Variants in BAZ1B observed in about 807,000 individuals in gnomAD.
BAZ1B encodes the protein bromodomain adjacent to zinc finger domain 1B.
BAZ1B carries 22 observed loss-of-function variants against 153.8 expected under a neutral mutation model. That is an observed-to-expected ratio of 0.14 (90% CI 0.10 to 0.20). The LOEUF is 0.20. Among genes scored for constraint, BAZ1B ranks in the 10% least tolerant of loss-of-function variants. The pLI, the probability that BAZ1B is intolerant of heterozygous loss-of-function variation, is 1.00. For synonymous variants in BAZ1B, 676 were observed against 633.4 expected, an observed-to-expected ratio of 1.07 and a Z score of -1.01; for missense variants, 1,325 against 1,799.3, an observed-to-expected ratio of 0.74 and a Z score of 4.77.
At chr7:73,459,951 T>C (rs1788335644) in intron 12 of BAZ1B, among the ~76,000 whole-genome samples, 1 of 152,138 alleles carries the variant, frequency 6.6e-6, no homozygotes, top group Non-Finnish European at 1.5e-5. Context: ...TCCCAGCATT[T>C]TGGGGGGCCA....
intron 1 of BAZ1B, among the ~76,000 whole-genome samples, chr7:73,517,617 T>G (rs781889167): frequency 3.9e-5 from 6 of 152,192 alleles, no homozygotes; most frequent in African/African-American, 7.2e-5. Flanking sequence ...AGATTTTAGG[T>G]TACCAAAATA....
At chr7:73,454,440 C>T (rs1788123190) in intron 13 of BAZ1B, among the ~76,000 whole-genome samples, 1 of 152,206 alleles carries the variant, frequency 6.6e-6, no homozygotes, top group African/African-American at 2.4e-5. Context: ...TCTTTCTCCA[C>T]CCTGCTTACC....
intron 13 of BAZ1B, among the ~76,000 whole-genome samples, chr7:73,453,944 C>A (rs1273594009): frequency 2.0e-5 from 3 of 152,256 alleles, no homozygotes; most frequent in Admixed American, 2.0e-4. Flanking sequence ...CACCACTGCA[C>A]CCACCAGCCT....
intron 3 of BAZ1B, among the ~76,000 whole-genome samples, chr7:73,500,892 A>T (rs1212175247): frequency 4.8e-5 from 7 of 145,798 alleles, no homozygotes; most frequent in East Asian, 2.4e-4. Flanking sequence ...TCTGTTTATA[A>T]AAAAAAAAAA....
At chr7:73,449,017 C>T (rs575454483) in intron 15 of BAZ1B, among the ~76,000 whole-genome samples, 6 of 152,172 alleles carry the variant, frequency 3.9e-5, no homozygotes, top group African/African-American at 9.6e-5. Flanking sequence ...CAAATGATAG[C>T]GGAGACCACG....
At chr7:73,457,742 G>A (rs564097017) in intron 13 of BAZ1B, among the ~76,000 whole-genome samples, 1 of 152,194 alleles carries the variant, frequency 6.6e-6, no homozygotes, top group East Asian at 1.9e-4. Flanking sequence ...AAGACCAGAT[G>A]ATTAGAAGAC....
At chr7:73,464,922 C>T (rs1002501945) in intron 11 of BAZ1B, among the ~76,000 whole-genome samples, 24 of 150,920 alleles carry the variant, frequency 1.6e-4, no homozygotes, top group Non-Finnish European at 3.1e-4. Context: ...TTTTCAGAAA[C>T]GGAGTTTCCC....
In BAZ1B at chr7:73,498,709, G is replaced by C. The variant is rs374289436; in HGVS notation, c.370-11C>G. 8.7e-6 allele frequency: 14 copies of C among 1,611,112 alleles called. No homozygotes were observed. Among genetic ancestry groups the C allele is most frequent in the Admixed American group, 1.7e-5 (1 of 59,882 alleles). On this transcript the variant is annotated splice_polypyrimidine_tract_variant and intron_variant, in intron 3 of 19. Coordinates refer to ENST00000339594, the MANE Select transcript of BAZ1B (RefSeq NM_032408.4). ...TTTCTCCTTCCCAACCTATAAAGGA[G>C]GTAGTAGAGAAAATCAGAGATAATA...
At chr7:73,468,930 G>A (rs1788694028) in intron 9 of BAZ1B, among the ~76,000 whole-genome samples, 1 of 152,138 alleles carries the variant, frequency 6.6e-6, no homozygotes, top group African/African-American at 2.4e-5. Context: ...AGGAGTTTGA[G>A]ACCAGCTTGG....
At chr7:73,480,216 C>T (rs1408987772) in intron 6 of BAZ1B, among the ~76,000 whole-genome samples, 15 of 151,096 alleles carry the variant, frequency 9.9e-5, no homozygotes, top group African/African-American at 3.7e-4. Context: ...GCACCTCAAA[C>T]GGGTCCTCCA....
intron 1 of BAZ1B, among the ~76,000 whole-genome samples, chr7:73,518,338 G>A (rs371646763): frequency 6.6e-6 from 1 of 151,808 alleles, no homozygotes; most frequent in Non-Finnish European, 1.5e-5. Flanking sequence ...GCGTGAACCC[G>A]GGAGGCGGAG....
At chr7:73,520,197 G>A (rs1305687579) in intron 1 of BAZ1B, among the ~76,000 whole-genome samples, 3 of 147,940 alleles carry the variant, frequency 2.0e-5, no homozygotes, top group East Asian at 3.9e-4. Context: ...TTAACAAGAG[G>A]GAAACTCCGT....
At chr7:73,507,452 A>G (rs1239742294) in intron 3 of BAZ1B, among the ~76,000 whole-genome samples, 1 of 151,988 alleles carries the variant, frequency 6.6e-6, no homozygotes, top group Admixed American at 6.6e-5. Context: ...GGAGGGTGAC[A>G]TGAGAGGATC....
In BAZ1B at chr7:73,449,595, C is replaced by G; in HGVS notation, c.3675G>C (p.Glu1225Asp). 1 of 1,614,196 alleles carries G rather than the reference C, an allele frequency of 6.2e-7. No individual in the cohort carries two copies. Among genetic ancestry groups the G allele is most frequent in the East Asian group, 2.2e-5 (1 of 44,892 alleles). Residue 1225 changes from glutamate to aspartate, a missense_variant, in exon 15 of 20, where the codon GAG (glutamate) becomes GAC (aspartate). By Grantham distance (45) the Glu-to-Asp change is conservative (BLOSUM62 2). Coordinates refer to ENST00000339594, the MANE Select transcript of BAZ1B (RefSeq NM_032408.4). ...CGGGCTGGCAAGCTGGGCACTGCCA[C>G]TCACCATCTGGTACTTCATAGAGGG... is the stretch of plus-strand genomic sequence containing the variant. The part of the protein sequence containing the change: ...RPALYEVPDG[E>D]WQCPACQPAT...
chr7:73,473,609 T>C (rs1788894966), intron 7 of BAZ1B, among the ~76,000 whole-genome samples: 1 of 152,206 alleles, frequency 6.6e-6, no homozygotes, highest in African/African-American at 2.4e-5. Flanking sequence ...AGGCACAGTA[T>C]GCATACATAT....
rs782322090 is a variant in BAZ1B at position 73,477,165 on chromosome 7, T to C, written c.2296A>G (p.Met766Val). ...ILMTYSVQDH[M>V]ETRQQMSAEL... ...GCAGACATCTGCTGTCTGGTCTCCATGTGGTCTTGCACTGAGTATGTCATG... is the reference window on the plus strand; with the variant it reads ...GCAGACATCTGCTGTCTGGTCTCCACGTGGTCTTGCACTGAGTATGTCATG... The change falls in exon 7 of 20, where the codon ATG becomes GTG. Residue 766 changes from methionine to valine, a missense_variant. By Grantham distance (21) the Met-to-Val change is conservative. Around this residue, in one of 9 missense-constraint regions of BAZ1B, gnomAD observed 431 missense variants for 563.5 expected, o/e 0.76. Coordinates refer to ENST00000339594, the MANE Select transcript of BAZ1B (RefSeq NM_032408.4). This position sits in a 1 kb window ranked among gnomAD's most constrained non-coding sequence, Gnocchi z 5.6. The C allele has an allele frequency of 5.6e-6, 9 of 1,614,126 alleles. No individual in the cohort carries two copies. Among genetic ancestry groups the C allele is most frequent in the East Asian group, 2.2e-5 (1 of 44,900 alleles).
At chr7:73,517,263 C>T (rs1032320547) in intron 1 of BAZ1B, among the ~76,000 whole-genome samples, 7 of 151,826 alleles carry the variant, frequency 4.6e-5, no homozygotes, top group Non-Finnish European at 7.4e-5. Flanking sequence ...GAGGCTGAAG[C>T]GGGAGGATCA....
At chr7:73,504,209 A>G (rs1554577471) in intron 3 of BAZ1B, among the ~76,000 whole-genome samples, 1 of 152,198 alleles carries the variant, frequency 6.6e-6, no homozygotes, top group African/African-American at 2.4e-5. Context: ...ACTGACTGAT[A>G]TAAAGTATGT....
rs543879079 is a variant in BAZ1B, at chr7:73,491,103, T to C, written c.693+1697A>G. Among the ~76,000 whole-genome samples the C allele has an allele frequency of 1.3e-3, 190 of 151,336 alleles. 1 individual carries two copies. Among genetic ancestry groups the C allele is most frequent in the African/African-American group, 4.2e-3 (172 of 41,260 alleles). ...GAGTTCAAGACCAGCCTGGCCAACA[T>C]AGTGAAATCCCGTATCTACTAAAAA... On this transcript the variant is annotated intron_variant, in intron 5 of 19. Transcript: ENST00000339594.
Sources: allele counts gnomAD v4.1 joint callset (sites outside exome capture counted in the v4.1 genomes callset), GRCh38; gene constraint gnomAD v4.1.1; regional missense constraint gnomAD v4.1.1; non-coding constraint Gnocchi (gnomAD v3.1); transcripts MANE v1.5; gene names NCBI Gene and HGNC (gene_info 2026-07-23, HGNC 2026-07-21).